ELAVL2: variants seen among roughly 807,000 people sequenced by gnomAD.
ELAVL2 encodes ELAV-like protein 2.
ELAVL2 carries 4 observed loss-of-function variants against 34.6 expected under a neutral mutation model. That is an observed-to-expected ratio of 0.12 (90% CI 0.06 to 0.26). ELAVL2 has a LOEUF of 0.26. ELAVL2 is among the 10% of genes least tolerant of loss of function. The pLI, the probability that ELAVL2 is intolerant of heterozygous loss-of-function variation, is 1.00. For synonymous variants in ELAVL2, 193 were observed against 154.8 expected, an observed-to-expected ratio of 1.25 and a Z score of -1.83; for missense variants, 432 against 442.8, an observed-to-expected ratio of 0.98 and a Z score of 0.22.
At chr9:23,709,999 T>C (rs1296098902) in intron 3 of ELAVL2, among the ~76,000 whole-genome samples, 1 of 152,060 alleles carries the variant, frequency 6.6e-6, no homozygotes, top group Non-Finnish European at 1.5e-5. Flanking sequence ...ACTGAGATTA[T>C]ATGAGGGAAG....
intron 2 of ELAVL2, among the ~76,000 whole-genome samples, chr9:23,736,603 A>C (rs981138387): frequency 2.0e-5 from 3 of 152,100 alleles, no homozygotes; most frequent in South Asian, 2.1e-4. Context: ...GATGTGCAAG[A>C]CGTTCCAGCC....
intron 1 of ELAVL2, among the ~76,000 whole-genome samples, chr9:23,810,744 G>A (rs1271853501): frequency 6.6e-6 from 1 of 152,084 alleles, no homozygotes; most frequent in African/African-American, 2.4e-5. Context: ...CCTGACCTCT[G>A]AGCTTCATTT....
At chr9:23,816,786 CTG>C (rs2063778089) in intron 1 of ELAVL2, among the ~76,000 whole-genome samples, 1 of 152,204 alleles carries the variant, frequency 6.6e-6, no homozygotes, top group African/African-American at 2.4e-5. Flanking sequence ...AATGGATACT[CTG>C]TGTTGCCAGA....
chr9:23,805,618 G>C (rs915468549), intron 1 of ELAVL2, among the ~76,000 whole-genome samples: 1 of 152,234 alleles, frequency 6.6e-6, no homozygotes, highest in Non-Finnish European at 1.5e-5. Context: ...TATACCACAG[G>C]AGAACCTGGC....
At chr9:23,728,768 T>C (rs537365493) in intron 3 of ELAVL2, among the ~76,000 whole-genome samples, 1 of 152,036 alleles carries the variant, frequency 6.6e-6, no homozygotes, top group South Asian at 2.1e-4. Flanking sequence ...TAAATAAACA[T>C]AGAAAGAACA....
intron 1 of ELAVL2, among the ~76,000 whole-genome samples, chr9:23,802,084 A>G (rs2061632646): frequency 6.6e-6 from 1 of 152,216 alleles, no homozygotes; most frequent in African/African-American, 2.4e-5. Context: ...TTCTATACAC[A>G]TCCTGGGTAC....
chr9:23,817,824 CTT>C lies in ELAVL2; in HGVS notation c.-16+7980_-16+7981del, dbSNP rs1296312981. On this transcript the variant is annotated intron_variant, in intron 1 of 6. Coordinates refer to ENST00000397312, the MANE Select transcript of ELAVL2 (RefSeq NM_004432.5). ...AAAATCTAAGATTTTATTACGCAAACTTTGACTTTTAATTCAGACTCCAAAAG... is the reference window on the plus strand; with the variant it reads ...AAAATCTAAGATTTTATTACGCAAACTGACTTTTAATTCAGACTCCAAAAG... 3.9e-5 allele frequency among the ~76,000 whole-genome samples: 6 copies of C among 152,126 alleles called. No individual in the cohort carries two copies. In the East Asian group the frequency reaches 9.7e-4, roughly 24 times the overall value.
At chr9:23,695,524 G>A (rs1303553764) in intron 5 of ELAVL2, among the ~76,000 whole-genome samples, 1 of 152,078 alleles carries the variant, frequency 6.6e-6, no homozygotes, top group Non-Finnish European at 1.5e-5. Context: ...TAACAATGGG[G>A]ATATGTTCTG....
intron 1 of ELAVL2, among the ~76,000 whole-genome samples, chr9:23,810,528 T>G (rs956878734): frequency 3.3e-5 from 5 of 152,168 alleles, no homozygotes; most frequent in Admixed American, 3.3e-4. Flanking sequence ...ACCATTTTAT[T>G]TCAAAACACC....
At chr9:23,830,020 C>G (rs771708607), upstream of ELAVL2, 1 of 152,254 alleles carries the variant, frequency 6.6e-6, no homozygotes, top group Non-Finnish European at 1.5e-5. Context: ...TCGCTGTGCA[C>G]CTTCCACTGT....
intron 2 of ELAVL2, among the ~76,000 whole-genome samples, chr9:23,753,886 T>C (rs2135696616): frequency 6.6e-6 from 1 of 152,304 alleles, no homozygotes; most frequent in East Asian, 1.9e-4. Flanking sequence ...TTCTATGAAT[T>C]TGAATATGTT....
chr9:23,708,423 T>C (rs562346615), intron 3 of ELAVL2, among the ~76,000 whole-genome samples: 1 of 152,186 alleles, frequency 6.6e-6, no homozygotes, highest in Non-Finnish European at 1.5e-5. Flanking sequence ...TATACACAAC[T>C]AGTGTTGAAT....
chr9:23,775,777 C>A (rs1327330864), intron 1 of ELAVL2, among the ~76,000 whole-genome samples: 1 of 152,240 alleles, frequency 6.6e-6, no homozygotes, highest in East Asian at 1.9e-4. Flanking sequence ...CTTCCCACTC[C>A]CAGTGTTTTC....
intron 3 of ELAVL2, among the ~76,000 whole-genome samples, chr9:23,724,442 G>A (rs1021040765): frequency 6.6e-6 from 1 of 152,120 alleles, no homozygotes; most frequent in African/African-American, 2.4e-5. Flanking sequence ...CTGAGGACAG[G>A]ACATTCAAGC....
intron 3 of ELAVL2, among the ~76,000 whole-genome samples, chr9:23,728,822 T>G (rs1424884980): frequency 6.6e-6 from 1 of 152,122 alleles, no homozygotes; most frequent in Non-Finnish European, 1.5e-5. Context: ...AATGGTCTGC[T>G]TTGCCTCTTA....
At chr9:23,762,636 C>T (rs1043343440) in intron 1 of ELAVL2, among the ~76,000 whole-genome samples, 9 of 151,926 alleles carry the variant, frequency 5.9e-5, no homozygotes, top group African/African-American at 2.2e-4. Context: ...GCTTAACATG[C>T]TACAAAAATG....
At chr9:23,815,234 A>T (rs550763245) in intron 1 of ELAVL2, among the ~76,000 whole-genome samples, 4 of 152,282 alleles carry the variant, frequency 2.6e-5, no homozygotes, top group Non-Finnish European at 5.9e-5. Flanking sequence ...AAATTAAGAA[A>T]TTTATATTCC....
At chr9:23,764,829 C>T (rs1335503947) in intron 1 of ELAVL2, among the ~76,000 whole-genome samples, 1 of 152,072 alleles carries the variant, frequency 6.6e-6, no homozygotes, top group Non-Finnish European at 1.5e-5. Flanking sequence ...ATGCTACATA[C>T]ACCACTACAG....
chr9:23,706,035 A>C lies in ELAVL2; in HGVS notation c.334-964T>G, dbSNP rs1415004324. Among the ~76,000 whole-genome samples the C allele has an allele frequency of 3.3e-5, 5 of 152,296 alleles. No individual in the cohort carries two copies. The East Asian group carries it at 9.7e-4, about 29-fold the overall frequency. ...TGATATATGCTGTATGATTGTCCATAAATTCCCAGAAATTTGAATGTGTGA... is the reference window on the plus strand; with the variant it reads ...TGATATATGCTGTATGATTGTCCATCAATTCCCAGAAATTTGAATGTGTGA... On this transcript the variant is annotated intron_variant, in intron 3 of 6. Transcript: ENST00000397312.
Sources: gnomAD v4.1 joint callset for allele counts (sites outside exome capture counted in the v4.1 genomes callset) on GRCh38, gnomAD v4.1.1 for gene constraint, MANE v1.5 for transcripts, NCBI Gene and HGNC (gene_info 2026-07-23, HGNC 2026-07-21) for gene names.